Variants in RBFOX1 observed in about 807,000 individuals in gnomAD.
RBFOX1 encodes the protein RNA binding fox-1 homolog 1.
RBFOX1 carries 8 observed loss-of-function variants against 57.7 expected under a neutral mutation model. The observed-to-expected ratio is 0.14, with a 90% CI of 0.08 to 0.25. The LOEUF (loss-of-function observed/expected upper bound fraction) is 0.25. Ranked by LOEUF, RBFOX1 falls within the 10% of genes least tolerant of loss-of-function variation. RBFOX1 has a pLI of 1.00. For missense variants in RBFOX1, 611 were observed against 548.5 expected, an observed-to-expected ratio of 1.11 and a Z score of -1.14; for synonymous variants, 326 against 222.4, an observed-to-expected ratio of 1.47 and a Z score of -4.15.
intron 3 of RBFOX1, among the ~76,000 whole-genome samples, chr16:6,948,211 G>A (rs2079952531): frequency 6.6e-6 from 1 of 151,912 alleles, no homozygotes; most frequent in Non-Finnish European, 1.5e-5. Flanking sequence ...GTGAGAGGAT[G>A]GCTTGAGCTG....
chr16:5,290,060 A>G (rs1281258249), intron 1 of RBFOX1, among the ~76,000 whole-genome samples: 1 of 152,258 alleles, frequency 6.6e-6, no homozygotes, highest in African/African-American at 2.4e-5. Flanking sequence ...ATGAAGTACT[A>G]ACACGTGCTA....
intron 2 of RBFOX1, among the ~76,000 whole-genome samples, chr16:6,406,668 C>T (rs185396038): frequency 1.6e-3 from 241 of 151,622 alleles, no homozygotes; most frequent in Admixed American, 4.6e-3. Context: ...TTCCTATGCT[C>T]GGTCAATTTT....
At chr16:7,159,184 A>T (rs9937460) in intron 4 of RBFOX1, among the ~76,000 whole-genome samples, 1 of 152,040 alleles carries the variant, frequency 6.6e-6, no homozygotes, top group Non-Finnish European at 1.5e-5. Context: ...AAGTTGTTGC[A>T]TGTGCTAATA....
At chr16:6,469,380 T>C (rs2095123034) in intron 2 of RBFOX1, among the ~76,000 whole-genome samples, 1 of 152,148 alleles carries the variant, frequency 6.6e-6, no homozygotes, top group South Asian at 2.1e-4. Context: ...GCCTACCCTA[T>C]CATTTCTTTA....
At chr16:7,294,396 T>C (rs1262472244) in intron 4 of RBFOX1, among the ~76,000 whole-genome samples, 1 of 152,054 alleles carries the variant, frequency 6.6e-6, no homozygotes, top group Non-Finnish European at 1.5e-5. Context: ...CTGGGTACCT[T>C]TTAATTTGGG....
intron 4 of RBFOX1, among the ~76,000 whole-genome samples, chr16:7,415,551 C>T (rs2098470079): frequency 6.6e-6 from 1 of 152,146 alleles, no homozygotes; most frequent in Non-Finnish European, 1.5e-5. Context: ...CCCACCTGTC[C>T]ACTTTTCTGG....
At chr16:6,863,532 A>G (rs1248031585) in intron 3 of RBFOX1, among the ~76,000 whole-genome samples, 1 of 151,998 alleles carries the variant, frequency 6.6e-6, no homozygotes, top group Non-Finnish European at 1.5e-5. Flanking sequence ...ACTAATTACA[A>G]TTATTTTCTG....
intron 2 of RBFOX1, among the ~76,000 whole-genome samples, chr16:6,625,576 A>G (rs994750417): frequency 6.6e-6 from 1 of 152,162 alleles, no homozygotes; most frequent in Non-Finnish European, 1.5e-5. Context: ...GCCTACTCAG[A>G]TGGTTCCTCC....
intron 1 of RBFOX1, among the ~76,000 whole-genome samples, chr16:5,399,842 T>A (rs529426906): frequency 6.6e-6 from 1 of 152,094 alleles, no homozygotes; most frequent in African/African-American, 2.4e-5. Context: ...CTGTTAAAGA[T>A]GATTGGTTTT....
intron 3 of RBFOX1, among the ~76,000 whole-genome samples, chr16:6,855,608 G>A (rs900993964): frequency 6.9e-6 from 1 of 144,350 alleles, no homozygotes; most frequent in Non-Finnish European, 1.5e-5. Flanking sequence ...AGCCTGGATC[G>A]CACCACTTCA....
chr16:5,785,469 T>C (rs1354464689), intron 3 of RBFOX1, among the ~76,000 whole-genome samples: 1 of 152,172 alleles, frequency 6.6e-6, no homozygotes, highest in African/African-American at 2.4e-5. Flanking sequence ...ACCTTCTGTA[T>C]ATTATCAGGG....
rs2064022634 is a variant in RBFOX1 at position 7,647,668 on chromosome 16, G to A, written c.758-6147G>A. On this transcript the variant is annotated intron_variant, in intron 11 of 15. Transcript: ENST00000550418. The stretch of plus-strand genomic sequence containing the variant: ...GGCATTTACAAATACTGGATAGGGT[G>A]ATGTTTGACTTTTAACATTGATTTA... Among the ~76,000 whole-genome samples, 2 of 152,270 alleles carry A rather than the reference G, an allele frequency of 1.3e-5. 1 individual carries two copies. Among genetic ancestry groups the A allele is most frequent in the Non-Finnish European group, 2.9e-5 (2 of 68,024 alleles).
intron 4 of RBFOX1, among the ~76,000 whole-genome samples, chr16:5,884,110 T>A (rs1304021970): frequency 6.6e-6 from 1 of 152,184 alleles, no homozygotes; most frequent in Non-Finnish European, 1.5e-5. Context: ...AGGTGAGGAT[T>A]AAATGAGAGA....
intron 3 of RBFOX1, among the ~76,000 whole-genome samples, chr16:6,881,426 C>T (rs541647281): frequency 6.6e-6 from 1 of 152,128 alleles, no homozygotes; most frequent in Non-Finnish European, 1.5e-5. Context: ...AAGATTGGTT[C>T]CTTCTGAGGG....
chr16:5,679,542 C>A (rs537229406), intron 3 of RBFOX1, among the ~76,000 whole-genome samples: 1 of 152,212 alleles, frequency 6.6e-6, no homozygotes, highest in South Asian at 2.1e-4. Context: ...TGTGGCGTTC[C>A]CCTCCCTGTG....
At chr16:6,698,451 T>C (rs1011691951) in intron 3 of RBFOX1, among the ~76,000 whole-genome samples, 2 of 152,200 alleles carry the variant, frequency 1.3e-5, no homozygotes, top group African/African-American at 2.4e-5. Flanking sequence ...GTGGCCGCCA[T>C]AACGCAAATC....
intron 3 of RBFOX1, among the ~76,000 whole-genome samples, chr16:6,886,541 T>C (rs1268074727): frequency 2.6e-5 from 4 of 151,994 alleles, no homozygotes; most frequent in Non-Finnish European, 5.9e-5. Context: ...TCACCTGAGT[T>C]CAGGAGTTTG....
At position 6,077,293 on chromosome 16, in the gene RBFOX1, A is replaced by G. The variant is rs958478575; in HGVS notation, c.-127+57301A>G. Among the ~76,000 whole-genome samples the G allele has an allele frequency of 2.0e-5, 3 of 149,042 alleles. No individual in the cohort carries two copies. In the Admixed American group the frequency reaches 2.1e-4, roughly 10 times the overall value. On this transcript the variant is annotated intron_variant, in intron 1 of 15. Coordinates refer to ENST00000550418, the MANE Select transcript of RBFOX1 (RefSeq NM_018723.4). ...GCAGCTTGGCCAGGTAGGAGCTCAC[A>G]TATGGAGCATTTCTTGCTTTAGGTG...
At chr16:7,594,942 A>C (rs1055661567) in intron 7 of RBFOX1, among the ~76,000 whole-genome samples, 1 of 152,172 alleles carries the variant, frequency 6.6e-6, no homozygotes, top group African/African-American at 2.4e-5. Flanking sequence ...TATTAGACCA[A>C]AGAGTTTAAG....
Sources: allele counts gnomAD v4.1 joint callset (sites outside exome capture counted in the v4.1 genomes callset), GRCh38; gene constraint gnomAD v4.1.1; transcripts MANE v1.5; gene names NCBI Gene and HGNC (gene_info 2026-07-23, HGNC 2026-07-21).